The following PTPN21 variants were observed in gnomAD, a reference collection of about 807,000 sequenced individuals.
The protein encoded by PTPN21 is tyrosine-protein phosphatase non-receptor type 21.
Under a neutral mutation model 131.8 loss-of-function variants are expected in PTPN21, and 77 were observed. That is an observed-to-expected ratio of 0.58 (90% CI 0.49 to 0.71). PTPN21 has a LOEUF of 0.71. Ranked by LOEUF, PTPN21 falls within the 30% of genes least tolerant of loss-of-function variation. The probability of loss-of-function intolerance (pLI) is 0.00; values close to 1 mark genes in which losing one functional copy is unlikely to be tolerated. For missense variants in PTPN21, 1,552 were observed against 1,527.1 expected (o/e 1.02, Z -0.27); for synonymous variants, 715 against 621.3 (o/e 1.15, Z -2.24).
At chr14:88,514,457 GTTTTCTT>G (rs1484147155) in intron 3 of PTPN21, among the ~76,000 whole-genome samples, 1 of 148,488 alleles carries the variant, frequency 6.7e-6, no homozygotes, top group Non-Finnish European at 1.5e-5. Flanking sequence ...CTCCCCCTTT[GTTTTCTT>G]TTTTCTTTTT....
chr14:88,535,001 G>A (rs556563387), intron 2 of PTPN21, among the ~76,000 whole-genome samples: 185 of 152,224 alleles, frequency 1.2e-3, no homozygotes, highest in Admixed American at 3.5e-3. Context: ...CTCACCCACA[G>A]CAACTTTTAG....
intron 12 of PTPN21, among the ~76,000 whole-genome samples, chr14:88,484,466 A>G (rs1279964016): frequency 6.6e-6 from 1 of 151,472 alleles, no homozygotes; most frequent in Non-Finnish European, 1.5e-5. Context: ...ACAATAGGAA[A>G]GCCTCTGGCA....
chr14:88,550,349 C>G lies in PTPN21; in HGVS notation c.69G>C (p.Leu23=), dbSNP rs1184220235. 4 of 1,614,132 alleles carry G rather than the reference C, an allele frequency of 2.5e-6. No individual in the cohort carries two copies. The Admixed American group carries it at 6.7e-5, about 27-fold the overall frequency. ...RRYTVSSKSC[L]VARIQLLNNE... ...TATTAAGCAGTTGGATCCGGGCAACCAGGCAACTCTTGCTGGACACCGTGT... is the reference window on the plus strand; with the variant it reads ...TATTAAGCAGTTGGATCCGGGCAACGAGGCAACTCTTGCTGGACACCGTGT... The change falls in exon 2 of 19, where the codon CTG becomes CTC. Residue 23 remains leucine, a synonymous_variant. Transcript: ENST00000556564.
chr14:88,502,840 C>T (rs905773198), intron 6 of PTPN21, among the ~76,000 whole-genome samples: 4 of 152,000 alleles, frequency 2.6e-5, no homozygotes, highest in African/African-American at 9.7e-5. Flanking sequence ...CATGAAAATA[C>T]CCATGAGCAC....
Position 88,469,491 on chromosome 14 carries a change from T to C in PTPN21, c.3235+8A>G, listed in dbSNP as rs764140641. ...AGCTGTCCTCGGAACAAAGTTAAAGTCACTCACATAAAAATCCCTTGAGGT... is the reference window on the plus strand; with the variant it reads ...AGCTGTCCTCGGAACAAAGTTAAAGCCACTCACATAAAAATCCCTTGAGGT... On this transcript the variant is annotated splice_region_variant and intron_variant, in intron 17 of 18. Transcript: ENST00000556564. The surrounding 1 kb of genome is among the most constrained non-coding windows in gnomAD (Gnocchi z 4.3). 7 of 1,599,634 alleles carry C rather than the reference T, an allele frequency of 4.4e-6. No homozygotes were observed. The highest frequency in any genetic ancestry group is 1.3e-5 in the African/African-American group (1 of 74,582).
At position 88,541,363 on chromosome 14, in the gene PTPN21, G is replaced by A. The variant is rs140678852; in HGVS notation, c.180+8875C>T. 2.0e-3 allele frequency among the ~76,000 whole-genome samples: 298 copies of A among 152,262 alleles called. 1 individual carries two copies. Among genetic ancestry groups the A allele is most frequent in the African/African-American group, 6.2e-3 (258 of 41,556 alleles). On this transcript the variant is annotated intron_variant, in intron 2 of 18. Transcript: ENST00000556564. ...CAGAGAACTGAATAGGAAAATATTC[G>A]CTAAATTGGCATACTGTTAAAAGAA...
At chr14:88,538,177 A>G (rs2078656356) in intron 2 of PTPN21, among the ~76,000 whole-genome samples, 1 of 152,230 alleles carries the variant, frequency 6.6e-6, no homozygotes, top group South Asian at 2.1e-4. Context: ...ACATAACCAA[A>G]GATAAACTAG....
At chr14:88,485,028 A>C (rs1355630142) in intron 12 of PTPN21, 48 bp downstream of exon 12, 9 of 1,438,504 alleles carry the variant, frequency 6.3e-6, no homozygotes, top group Non-Finnish European at 8.8e-6. Context: ...TCACAGATTT[A>C]TCCATAGTCA....
rs780319536 is a variant in PTPN21, at chr14:88,480,188, T to A, written c.1243A>T (p.Met415Leu). 33 of 1,613,994 alleles carry A rather than the reference T, an allele frequency of 2.0e-5. No homozygotes were observed. The highest frequency in any genetic ancestry group is 1.6e-4 in the South Asian group (15 of 91,078). ...CCGGTGATGCTAGGGTTGGACGACA[T>A]CGGCGAGGGCTGCAAGTAGGGCTGA... is the stretch of plus-strand genomic sequence containing the variant. ...NPQPYLQPSP[M>L]SSNPSITGSD... Residue 415 changes from methionine to leucine, a missense_variant, in exon 13 of 19, where the codon ATG (methionine) becomes TTG (leucine). Transcript: ENST00000556564.
chr14:88,484,661 C>T (rs1396340152), intron 12 of PTPN21, among the ~76,000 whole-genome samples: 1 of 152,104 alleles, frequency 6.6e-6, no homozygotes, highest in Non-Finnish European at 1.5e-5. Context: ...CCCAAATATA[C>T]CTGGATCATC....
At chr14:88,477,463 A>AAAAAAAAAAC (rs2077564752) in intron 13 of PTPN21, among the ~76,000 whole-genome samples, 1 of 151,162 alleles carries the variant, frequency 6.6e-6, no homozygotes, top group African/African-American at 2.4e-5. Flanking sequence ...AAAAAAAAAA[A>AAAAAAAAAAC]AAAAAAAGCA....
chr14:88,485,907 G>A, intron 10 of PTPN21, 65 bp from the exon 11 acceptor site: 2 of 949,466 alleles, frequency 2.1e-6, no homozygotes, highest in Non-Finnish European at 1.6e-6. Flanking sequence ...ACCAAAACAA[G>A]ATATAGGAAT....
intron 2 of PTPN21, among the ~76,000 whole-genome samples, chr14:88,531,425 T>G (rs921729975): frequency 6.6e-6 from 1 of 151,884 alleles, no homozygotes; most frequent in African/African-American, 2.4e-5. Flanking sequence ...GGCATGGTGG[T>G]GCATGCCTGT....
intron 2 of PTPN21, among the ~76,000 whole-genome samples, chr14:88,529,150 C>A (rs528352324): frequency 6.6e-6 from 1 of 152,218 alleles, no homozygotes; most frequent in East Asian, 1.9e-4. Context: ...AGGTATGTCC[C>A]TTCTATGCCA....
In PTPN21 at chr14:88,501,316, T is replaced by A. The variant is rs767516879; in HGVS notation, c.640A>T (p.Met214Leu). Residue 214 changes from methionine to leucine, a missense_variant, in exon 7 of 19, where the codon ATG becomes TTG. Transcript: ENST00000556564. ...TAGCTCTCTTCTCCATAGCCATCCA[T>A]TCTCTCTACCTCCTGCATGTACAGC... Reference protein sequence around the residue: ...EMLYMQEVERMDGYGEESYPA... With the variant: ...EMLYMQEVERLDGYGEESYPA... 6.2e-7 allele frequency: 1 copy of A among 1,614,130 alleles called. No individual in the cohort carries two copies. Among genetic ancestry groups the A allele is most frequent in the Non-Finnish European group, 8.5e-7 (1 of 1,179,970 alleles).
chr14:88,493,580 G>A (rs1285783104), intron 10 of PTPN21, among the ~76,000 whole-genome samples: 1 of 152,242 alleles, frequency 6.6e-6, no homozygotes, highest in Non-Finnish European at 1.5e-5. Context: ...TTCCTGACAT[G>A]TAACTTCAAG....
chr14:88,492,037 A>AC (rs2077832921), intron 10 of PTPN21, among the ~76,000 whole-genome samples: 1 of 151,678 alleles, frequency 6.6e-6, no homozygotes, highest in Non-Finnish European at 1.5e-5. Flanking sequence ...CAAAAAAAAA[A>AC]ACACAAAACA....
At chr14:88,541,465 G>C (rs1163299080) in intron 2 of PTPN21, among the ~76,000 whole-genome samples, 2 of 152,184 alleles carry the variant, frequency 1.3e-5, no homozygotes, top group Non-Finnish European at 2.9e-5. Context: ...ATGATACAGA[G>C]GGCTCAACAA....
At chr14:88,542,908 C>T (rs969828325) in intron 2 of PTPN21, among the ~76,000 whole-genome samples, 1 of 152,154 alleles carries the variant, frequency 6.6e-6, no homozygotes, top group African/African-American at 2.4e-5. Context: ...CTCGGTCTTA[C>T]TTGTTTTATA....
Sources: gnomAD v4.1 joint callset for allele counts (sites outside exome capture counted in the v4.1 genomes callset) on GRCh38, gnomAD v4.1.1 for gene constraint, Gnocchi (gnomAD v3.1) non-coding constraint, MANE v1.5 for transcripts, NCBI Gene and HGNC (gene_info 2026-07-23, HGNC 2026-07-21) for gene names.